The following MACROD2 variants were observed in gnomAD, a reference collection of about 807,000 sequenced individuals.
MACROD2 encodes the protein ADP-ribose glycohydrolase MACROD2.
Under a neutral mutation model 70.4 loss-of-function variants are expected in MACROD2, and 36 were observed. The observed-to-expected ratio is 0.51, with a 90% CI of 0.39 to 0.68. The LOEUF (loss-of-function observed/expected upper bound fraction) is 0.68. MACROD2 is among the 30% of genes least tolerant of loss of function. The pLI, the probability that MACROD2 is intolerant of heterozygous loss-of-function variation, is 0.00. For synonymous variants in MACROD2, 172 were observed against 178.8 expected, an observed-to-expected ratio of 0.96 and a Z score of 0.30; for missense variants, 496 against 538.4, an observed-to-expected ratio of 0.92 and a Z score of 0.78.
chr20:15,795,552 A>C (rs2063665210), intron 8 of MACROD2, among the ~76,000 whole-genome samples: 1 of 152,158 alleles, frequency 6.6e-6, no homozygotes, highest in African/African-American at 2.4e-5. Flanking sequence ...GGAATCATTT[A>C]AACACTTTCT....
intron 3 of MACROD2, among the ~76,000 whole-genome samples, chr20:14,402,086 A>G (rs1362040807): frequency 6.6e-6 from 1 of 152,180 alleles, no homozygotes; most frequent in Non-Finnish European, 1.5e-5. Context: ...GCATCAATAA[A>G]CAGCTATTAT....
chr20:15,704,261 C>T (rs185525423), intron 8 of MACROD2, among the ~76,000 whole-genome samples: 124 of 152,276 alleles, frequency 8.1e-4, no homozygotes, highest in Non-Finnish European at 1.4e-3. Flanking sequence ...GAAATTGCAT[C>T]TTCCATTGTT....
chr20:14,005,299 C>A (rs562053002), intron 2 of MACROD2, among the ~76,000 whole-genome samples: 2 of 152,230 alleles, frequency 1.3e-5, no homozygotes, highest in East Asian at 3.9e-4. Context: ...AAAACAAAAA[C>A]CCCATCCAGA....
At chr20:16,024,801 A>G (rs2147563136) in intron 15 of MACROD2, among the ~76,000 whole-genome samples, 1 of 152,308 alleles carries the variant, frequency 6.6e-6, no homozygotes, top group Admixed American at 6.5e-5. Context: ...TAGCTGCATT[A>G]TTTTCAACTT....
chr20:15,272,116 T>C (rs1040526435), intron 6 of MACROD2, among the ~76,000 whole-genome samples: 1 of 152,212 alleles, frequency 6.6e-6, no homozygotes, highest in Non-Finnish European at 1.5e-5. Context: ...ATTCTTTAAG[T>C]CTGCTAAAAT....
intron 8 of MACROD2, among the ~76,000 whole-genome samples, chr20:15,613,427 G>A (rs935230724): frequency 6.6e-6 from 1 of 152,176 alleles, no homozygotes; most frequent in Non-Finnish European, 1.5e-5. Context: ...CTTGAAAAAG[G>A]TGGATAGCAG....
chr20:15,715,780 C>T (rs2050699429), intron 8 of MACROD2, among the ~76,000 whole-genome samples: 1 of 152,078 alleles, frequency 6.6e-6, no homozygotes. Flanking sequence ...AACTTATTTG[C>T]CTGCCAAGCC....
intron 8 of MACROD2, among the ~76,000 whole-genome samples, chr20:15,823,994 A>T (rs1224412185): frequency 1.3e-5 from 2 of 152,170 alleles, no homozygotes; most frequent in Non-Finnish European, 2.9e-5. Flanking sequence ...AGACTGTAAA[A>T]TGGTTGGTCT....
intron 3 of MACROD2, among the ~76,000 whole-genome samples, chr20:14,450,723 T>A (rs1270734667): frequency 1.3e-5 from 2 of 152,128 alleles, no homozygotes; most frequent in Non-Finnish European, 2.9e-5. Context: ...CCCAGAAACG[T>A]GTTTTTCTCT....
chr20:15,465,957 C>T (rs1038804794), intron 7 of MACROD2, among the ~76,000 whole-genome samples: 1 of 152,158 alleles, frequency 6.6e-6, no homozygotes, highest in Non-Finnish European at 1.5e-5. Context: ...GCAAGTAACA[C>T]ATGGCTCCAG....
chr20:15,364,217 T>C (rs1456107034), intron 6 of MACROD2, among the ~76,000 whole-genome samples: 1 of 152,210 alleles, frequency 6.6e-6, no homozygotes, highest in East Asian at 1.9e-4. Context: ...TTTTCCGCCT[T>C]TCTTACTCTT....
chr20:14,000,158 C>T (rs1319441257), intron 1 of MACROD2, among the ~76,000 whole-genome samples: 1 of 152,108 alleles, frequency 6.6e-6, no homozygotes, highest in Non-Finnish European at 1.5e-5. Flanking sequence ...CCTTCCGTTC[C>T]CTCTTCTTTT....
chr20:14,690,449 G>C (rs2071050202), intron 5 of MACROD2, among the ~76,000 whole-genome samples: 1 of 152,194 alleles, frequency 6.6e-6, no homozygotes, highest in Admixed American at 6.5e-5. Flanking sequence ...AGCTTAAAAT[G>C]TACTGTTGAT....
At chr20:15,209,115 G>GTGGTGGTGGTATT (rs368782146) in intron 5 of MACROD2, among the ~76,000 whole-genome samples, 14 of 147,068 alleles carry the variant, frequency 9.5e-5, no homozygotes, top group African/African-American at 3.5e-4. Flanking sequence ...GGTGGTGGTG[G>GTGGTGGTGGTATT]TATTTATTTA....
chr20:14,344,863 C>T (rs1433576966), intron 3 of MACROD2, among the ~76,000 whole-genome samples: 1 of 152,182 alleles, frequency 6.6e-6, no homozygotes. Context: ...CAACACACAA[C>T]TGTTTGAGCA....
intron 3 of MACROD2, among the ~76,000 whole-genome samples, chr20:14,269,875 G>C (rs2122347418): frequency 6.6e-6 from 1 of 150,902 alleles, no homozygotes; most frequent in African/African-American, 2.4e-5. Context: ...ATAGTTTATT[G>C]TGTTAAAACC....
intron 4 of MACROD2, among the ~76,000 whole-genome samples, chr20:14,517,073 C>T (rs2085109561): frequency 1.3e-5 from 2 of 152,108 alleles, no homozygotes; most frequent in Admixed American, 6.6e-5. Context: ...AATAGGAAGG[C>T]TTTTACACTG....
intron 8 of MACROD2, among the ~76,000 whole-genome samples, chr20:15,624,790 A>G (rs1180603733): frequency 6.6e-6 from 1 of 152,194 alleles, no homozygotes; most frequent in Non-Finnish European, 1.5e-5. Context: ...ACAATATTAT[A>G]TAATATGCTT....
intron 3 of MACROD2, among the ~76,000 whole-genome samples, chr20:14,292,856 A>T (rs1487597627): frequency 6.6e-6 from 1 of 151,806 alleles, no homozygotes; most frequent in Non-Finnish European, 1.5e-5. Context: ...GCTGGTCTTG[A>T]ACTCCTGACC....
Sources: gnomAD v4.1 joint callset for allele counts (sites outside exome capture counted in the v4.1 genomes callset) on GRCh38, gnomAD v4.1.1 for gene constraint, MANE v1.5 for transcripts, NCBI Gene and HGNC (gene_info 2026-07-23, HGNC 2026-07-21) for gene names.